PSMD9: variants seen among roughly 807,000 people sequenced by gnomAD.
The protein encoded by PSMD9 is proteasome 26S subunit, non-ATPase 9, also known as 26S proteasome non-ATPase regulatory subunit 9.
PSMD9 carries 26 observed loss-of-function variants against 25.9 expected under a neutral mutation model. The observed-to-expected ratio is 1.00, with a 90% CI of 0.73 to 1.39. PSMD9 has a LOEUF of 1.39. Ranked by LOEUF, PSMD9 falls within the 40% of genes most tolerant of loss-of-function variation. PSMD9 has a pLI of 0.00. For synonymous variants in PSMD9, 110 were observed against 114.5 expected (o/e 0.96, Z 0.25); for missense variants, 303 against 299.3 (o/e 1.01, Z -0.09).
chr12:121,912,311 G>A (rs997127722), intron 4 of PSMD9, among the ~76,000 whole-genome samples: 1 of 152,064 alleles, frequency 6.6e-6, no homozygotes, highest in African/African-American at 2.4e-5. Flanking sequence ...TATTATAGGC[G>A]TGAGCCACCG....
intron 1 of PSMD9, among the ~76,000 whole-genome samples, chr12:121,891,571 G>C (rs565147411): frequency 6.7e-6 from 1 of 150,226 alleles, no homozygotes; most frequent in Admixed American, 6.7e-5. Context: ...CTGCACTTCA[G>C]CCTGGGTGAC....
chr12:121,895,960 C>A (rs887893238), intron 2 of PSMD9, among the ~76,000 whole-genome samples: 2 of 152,178 alleles, frequency 1.3e-5, no homozygotes, highest in African/African-American at 4.8e-5. Flanking sequence ...CTTACTAACT[C>A]CTCTTTAATC....
intron 1 of PSMD9, 163 bp from the exon 2 acceptor site, chr12:121,894,576 T>C: frequency 1.6e-6 from 1 of 619,508 alleles, no homozygotes; most frequent in Non-Finnish European, 2.9e-6. Flanking sequence ...CACCCCAGGG[T>C]AGTTGTGAGG....
chr12:121,915,790 G>C, intron 4 of PSMD9, 66 bp from the exon 5 acceptor site: 1 of 1,338,384 alleles, frequency 7.5e-7, no homozygotes, highest in Non-Finnish European at 1.0e-6. Flanking sequence ...TGGGATCTCA[G>C]CATTTTAGCC....
intron 4 of PSMD9, among the ~76,000 whole-genome samples, chr12:121,913,916 T>C (rs1173293263): frequency 6.6e-6 from 1 of 151,900 alleles, no homozygotes; most frequent in African/African-American, 2.4e-5. Flanking sequence ...TTTTATTTTT[T>C]TGAGACAGGG....
At chr12:121,902,141 A>G (rs1565892768) in intron 3 of PSMD9, 1 of 152,228 alleles carries the variant, frequency 6.6e-6, no homozygotes, top group Non-Finnish European at 1.5e-5. Flanking sequence ...GTGGAGATGT[A>G]GTTAAATTTA....
At chr12:121,907,493 T>C (rs547936638) in intron 4 of PSMD9, among the ~76,000 whole-genome samples, 1 of 152,302 alleles carries the variant, frequency 6.6e-6, no homozygotes, top group East Asian at 1.9e-4. Context: ...CCTGGCCTTT[T>C]TTAGCGAACT....
At chr12:121,896,983 A>G (rs1565891115) in intron 2 of PSMD9, among the ~76,000 whole-genome samples, 1 of 137,092 alleles carries the variant, frequency 7.3e-6, no homozygotes, top group Non-Finnish European at 1.6e-5. Context: ...ATATACACAC[A>G]TACATGTGTA....
At chr12:121,892,677 G>C (rs1352535673) in intron 1 of PSMD9, among the ~76,000 whole-genome samples, 1 of 152,048 alleles carries the variant, frequency 6.6e-6, no homozygotes, top group Non-Finnish European at 1.5e-5. Context: ...CTCTAGCCTG[G>C]GCAACAGAGC....
At chr12:121,906,540 C>T (rs529871174) in intron 4 of PSMD9, among the ~76,000 whole-genome samples, 54 of 151,658 alleles carry the variant, frequency 3.6e-4, no homozygotes, top group African/African-American at 1.2e-3. Flanking sequence ...CACGGTGGCT[C>T]ACACCTGTAA....
At chr12:121,890,475 T>C (rs1879036221) in intron 1 of PSMD9, among the ~76,000 whole-genome samples, 1 of 152,082 alleles carries the variant, frequency 6.6e-6, no homozygotes, top group Non-Finnish European at 1.5e-5. Context: ...ATTATTGTTA[T>C]TATTATTATT....
At chr12:121,909,842 G>T (rs1879666748) in intron 4 of PSMD9, among the ~76,000 whole-genome samples, 1 of 152,104 alleles carries the variant, frequency 6.6e-6, no homozygotes, top group African/African-American at 2.4e-5. Context: ...ACAAACAGTG[G>T]TGTAGCGAGT....
chr12:121,899,270 G>A, intron 2 of PSMD9: 1 of 253,848 alleles, frequency 3.9e-6, no homozygotes, highest in South Asian at 6.3e-5. Flanking sequence ...ATGCCTTTGA[G>A]TTCATGGCTG....
chr12:121,901,006 A>AAT (rs1565892434), intron 3 of PSMD9, among the ~76,000 whole-genome samples: 1 of 150,668 alleles, frequency 6.6e-6, no homozygotes, highest in East Asian at 1.9e-4. Flanking sequence ...AAAAAAAAAA[A>AAT]AGGAGATGGG....
chr12:121,890,556 C>T (rs773636224), intron 1 of PSMD9, among the ~76,000 whole-genome samples: 29 of 152,224 alleles, frequency 1.9e-4, no homozygotes, highest in African/African-American at 2.6e-4. Flanking sequence ...CAGCCTCAAT[C>T]TCCTGGTGTC....
rs750838156 is a variant in PSMD9 at position 121,915,959 on chromosome 12, T to A, written c.644+15T>A. 9.3e-6 allele frequency: 15 copies of A among 1,607,592 alleles called. 1 individual carries two copies. The South Asian group carries it at 1.3e-4, about 14-fold the overall frequency. ...GGACTGCTGGGGTAAAGTATCTGTT[T>A]CTGTTCATTCTCACTGGGGCATCAT... On this transcript the variant is annotated intron_variant, in intron 5 of 5. Coordinates refer to ENST00000541212, the MANE Select transcript of PSMD9 (RefSeq NM_002813.7).
intron 4 of PSMD9, among the ~76,000 whole-genome samples, chr12:121,910,081 G>T (rs1402220135): frequency 8.3e-5 from 6 of 72,530 alleles, no homozygotes; most frequent in East Asian, 8.0e-4. Context: ...GGTAGGAAAT[G>T]ACTTTTTTTT....
chr12:121,895,569 A>C (rs1325463550), intron 2 of PSMD9, among the ~76,000 whole-genome samples: 1 of 152,034 alleles, frequency 6.6e-6, no homozygotes, highest in Non-Finnish European at 1.5e-5. Context: ...TCTAGGGGAG[A>C]ACCTGTTCCT....
intron 2 of PSMD9, 37 bp downstream of exon 2, chr12:121,894,878 G>C (rs375334195): frequency 6.4e-7 from 1 of 1,558,650 alleles, no homozygotes; most frequent in Admixed American, 1.8e-5. Context: ...CCCACCTTGT[G>C]GTGGGAAGGT....
Sources: allele counts gnomAD v4.1 joint callset (sites outside exome capture counted in the v4.1 genomes callset), GRCh38; gene constraint gnomAD v4.1.1; transcripts MANE v1.5; gene names NCBI Gene and HGNC (gene_info 2026-07-23, HGNC 2026-07-21).